TENM4: variants seen among roughly 807,000 people sequenced by gnomAD.
TENM4 encodes the protein teneurin transmembrane protein 4.
A neutral mutation model predicts 243.3 loss-of-function variants in TENM4; 82 were observed. The ratio of observed to expected loss-of-function variants is 0.34; its 90% CI spans 0.28 to 0.40. The LOEUF is 0.40. Among genes scored for constraint, TENM4 ranks in the 10% least tolerant of loss-of-function variants. The probability of loss-of-function intolerance (pLI) is 1.00; values close to 1 mark genes in which losing one functional copy is unlikely to be tolerated. For synonymous variants in TENM4, 1,412 were observed against 1,456.3 expected (o/e 0.97, Z 0.69); for missense variants, 3,138 against 3,673.3 (o/e 0.85, Z 3.77).
At chr11:78,737,237 T>C (rs1273725770) in intron 20 of TENM4, among the ~76,000 whole-genome samples, 1 of 152,232 alleles carries the variant, frequency 6.6e-6, no homozygotes, top group Non-Finnish European at 1.5e-5. Context: ...CATGCTGTAG[T>C]GGGAGTCTTC....
intron 27 of TENM4, among the ~76,000 whole-genome samples, chr11:78,705,143 C>T (rs1859214021): frequency 6.6e-6 from 1 of 152,230 alleles, no homozygotes; most frequent in Non-Finnish European, 1.5e-5. Flanking sequence ...AAACCCACTT[C>T]TTGTCAACTC....
chr11:79,298,286 C>A (rs557377093), intron 1 of TENM4, among the ~76,000 whole-genome samples: 1 of 151,812 alleles, frequency 6.6e-6, no homozygotes, highest in Admixed American at 6.6e-5. Context: ...GAGGCCGAGG[C>A]GGGTGGATCA....
At chr11:79,259,292 C>T (rs1287171980) in intron 2 of TENM4, among the ~76,000 whole-genome samples, 1 of 152,178 alleles carries the variant, frequency 6.6e-6, no homozygotes, top group Non-Finnish European at 1.5e-5. Flanking sequence ...ATCTGTGCAT[C>T]TACCCATTCA....
At chr11:78,814,199 G>T in intron 13 of TENM4, 95 bp downstream of exon 13, 1 of 1,205,588 alleles carries the variant, frequency 8.3e-7, no homozygotes, top group Non-Finnish European at 1.2e-6. Context: ...GCATCAGAAG[G>T]TGGGCTGGAT....
intron 19 of TENM4, among the ~76,000 whole-genome samples, chr11:78,744,730 G>A (rs57857511): frequency 0.03 from 4,555 of 152,214 alleles, 229 homozygotes; most frequent in African/African-American, 0.1. Flanking sequence ...TTTATAAATC[G>A]CACACATGTG....
intron 4 of TENM4, among the ~76,000 whole-genome samples, chr11:79,094,771 A>C (rs1401356955): frequency 2.0e-5 from 3 of 152,108 alleles, no homozygotes; most frequent in Admixed American, 2.0e-4. Context: ...ACTCCAGACC[A>C]GTGGGGGAGG....
At chr11:78,848,328 TTA>T (rs1284215325) in intron 12 of TENM4, among the ~76,000 whole-genome samples, 1 of 152,174 alleles carries the variant, frequency 6.6e-6, no homozygotes, top group African/African-American at 2.4e-5. Flanking sequence ...AACTTTTTGC[TTA>T]GCGTGGCATT....
chr11:78,779,063 T>G (rs1160852267), intron 16 of TENM4, among the ~76,000 whole-genome samples: 24 of 152,176 alleles, frequency 1.6e-4, no homozygotes, highest in Non-Finnish European at 3.5e-4. Flanking sequence ...CAAGAACAAG[T>G]GGTACCCCAT....
At chr11:79,397,466 A>T (rs546818127) in intron 1 of TENM4, among the ~76,000 whole-genome samples, 1 of 152,280 alleles carries the variant, frequency 6.6e-6, no homozygotes, top group South Asian at 2.1e-4. Context: ...CAGGAACCCC[A>T]AAGATGTGTC....
intron 1 of TENM4, among the ~76,000 whole-genome samples, chr11:79,339,246 A>ACC (rs1211512069): frequency 6.6e-6 from 1 of 152,162 alleles, no homozygotes; most frequent in Non-Finnish European, 1.5e-5. Flanking sequence ...ATGACAGAAC[A>ACC]CCAGACAAAT....
intron 1 of TENM4, among the ~76,000 whole-genome samples, chr11:79,403,641 G>A (rs1229093010): frequency 1.3e-5 from 2 of 151,978 alleles, no homozygotes; most frequent in Middle Eastern, 3.2e-3. Context: ...CCCACCCCTC[G>A]ACACTCACAT....
chr11:79,168,654 C>T lies in TENM4; in HGVS notation c.-162-19848G>A, dbSNP rs553552954. On this transcript the variant is annotated intron_variant, in intron 3 of 33. Transcript: ENST00000278550. ...GCTCTTTGTGCTTGCAGTAGATTCA[C>T]CGCAAAATGAACACAATTCTTCCCC... Among the ~76,000 whole-genome samples, 10 of 152,272 alleles carry T rather than the reference C, an allele frequency of 6.6e-5. No homozygotes were observed. The East Asian group carries it at 1.9e-3, about 29-fold the overall frequency.
At chr11:79,332,754 C>A (rs1008451005) in intron 1 of TENM4, among the ~76,000 whole-genome samples, 2 of 152,188 alleles carry the variant, frequency 1.3e-5, no homozygotes, top group South Asian at 4.1e-4. Context: ...ATATTAAGGA[C>A]CTTGAATATA....
chr11:78,787,198 G>A lies in TENM4; in HGVS notation c.2180-115C>T, dbSNP rs992866215. 8.8e-6 allele frequency: 11 copies of A among 1,249,412 alleles called. No individual in the cohort carries two copies. In the African/African-American group the frequency reaches 1.5e-4, roughly 17 times the overall value. 77.4% of individuals were successfully genotyped at this position (1,249,412 alleles called of 1,614,324 possible). Reference sequence around the variant, plus strand: ...AACAAGTATTGAGCAAGTTATTGTTGGAAACCAAAGTCACACTTGGCTACA... The same window carrying A: ...AACAAGTATTGAGCAAGTTATTGTTAGAAACCAAAGTCACACTTGGCTACA... On this transcript the variant is annotated intron_variant, in intron 15 of 33. Transcript: ENST00000278550.
At chr11:79,013,450 A>G (rs753350887) in intron 6 of TENM4, among the ~76,000 whole-genome samples, 4 of 151,850 alleles carry the variant, frequency 2.6e-5, no homozygotes, top group Non-Finnish European at 5.9e-5. Flanking sequence ...CCTTCCCCCA[A>G]CCCCCTTCAC....
At chr11:78,812,987 A>G (rs1273966531) in intron 13 of TENM4, among the ~76,000 whole-genome samples, 1 of 152,198 alleles carries the variant, frequency 6.6e-6, no homozygotes, top group Non-Finnish European at 1.5e-5. Flanking sequence ...TCAAGATCCA[A>G]TAAGGCTTTT....
At chr11:79,338,348 CA>C (rs1857187854) in intron 1 of TENM4, among the ~76,000 whole-genome samples, 1 of 152,200 alleles carries the variant, frequency 6.6e-6, no homozygotes, top group Non-Finnish European at 1.5e-5. Context: ...TTCTGAAAAG[CA>C]GCTGCTGTCA....
rs75839404 is a variant in TENM4 at position 78,724,355 on chromosome 11, G to A, written c.3551-1438C>T. Among the ~76,000 whole-genome samples the A allele has an allele frequency of 8.7e-3, 1,327 of 152,336 alleles. 9 individuals are homozygous for A. The highest frequency in any genetic ancestry group is 0.015 in the Admixed American group (224 of 15,304). On this transcript the variant is annotated intron_variant, in intron 23 of 33. Coordinates refer to ENST00000278550, the MANE Select transcript of TENM4 (RefSeq NM_001098816.3). ...GATCCTCTCGCCTTAGCTTCCCAAAGTGCTGGGATTATAGGCATGAGCCAC... is the reference window on the plus strand; with the variant it reads ...GATCCTCTCGCCTTAGCTTCCCAAAATGCTGGGATTATAGGCATGAGCCAC...
At chr11:78,799,468 G>C (rs1299785082) in intron 15 of TENM4, among the ~76,000 whole-genome samples, 1 of 152,166 alleles carries the variant, frequency 6.6e-6, no homozygotes, top group African/African-American at 2.4e-5. Context: ...AGGACTGTTT[G>C]GATAACTTAA....
Sources: gnomAD v4.1 joint callset for allele counts (sites outside exome capture counted in the v4.1 genomes callset) on GRCh38, gnomAD v4.1.1 for gene constraint, MANE v1.5 for transcripts, NCBI Gene and HGNC (gene_info 2026-07-23, HGNC 2026-07-21) for gene names.